Variants in KCNIP4 observed in about 807,000 individuals in gnomAD.
KCNIP4 encodes the protein Kv channel-interacting protein 4.
In KCNIP4, 12 loss-of-function variants were observed where a neutral mutation model predicts 34.0. The ratio of observed to expected loss-of-function variants is 0.35; its 90% CI spans 0.23 to 0.57. The LOEUF (loss-of-function observed/expected upper bound fraction) is 0.57, where lower values mean the gene tolerates loss of function less well. KCNIP4 is among the 20% of genes least tolerant of loss of function. The probability of loss-of-function intolerance (pLI) is 0.83; values close to 1 mark genes in which losing one functional copy is unlikely to be tolerated. For synonymous variants in KCNIP4, 124 were observed against 102.2 expected (o/e 1.21, Z -1.29); for missense variants, 238 against 311.7 (o/e 0.76, Z 1.78).
chr4:21,346,110 T>C (rs1484654245), intron 1 of KCNIP4, among the ~76,000 whole-genome samples: 6 of 121,200 alleles, frequency 5.0e-5, no homozygotes, highest in African/African-American at 1.9e-4. Flanking sequence ...TAAATATATA[T>C]AAATATATAT....
chr4:21,121,537 G>A (rs1159997514), intron 1 of KCNIP4, among the ~76,000 whole-genome samples: 1 of 152,160 alleles, frequency 6.6e-6, no homozygotes, highest in Non-Finnish European at 1.5e-5. Context: ...CATTTGGAAG[G>A]CAGCATCTTG....
intron 1 of KCNIP4, among the ~76,000 whole-genome samples, chr4:21,344,584 G>A (rs1308080309): frequency 1.3e-5 from 2 of 152,128 alleles, no homozygotes; most frequent in African/African-American, 4.8e-5. Flanking sequence ...TTCTGAGACA[G>A]ATAGGTATGA....
chr4:21,578,599 A>T (rs1348087027), intron 1 of KCNIP4, among the ~76,000 whole-genome samples: 1 of 152,110 alleles, frequency 6.6e-6, no homozygotes, highest in Non-Finnish European at 1.5e-5. Context: ...TGGATGAATG[A>T]CCAAGACTGC....
intron 1 of KCNIP4, among the ~76,000 whole-genome samples, chr4:21,641,984 G>T (rs1418411353): frequency 6.6e-6 from 1 of 152,114 alleles, no homozygotes; most frequent in Non-Finnish European, 1.5e-5. Context: ...CATGGAAGGG[G>T]GGTAGTGCTA....
At chr4:21,911,414 A>G (rs896083286) in intron 1 of KCNIP4, among the ~76,000 whole-genome samples, 1 of 151,936 alleles carries the variant, frequency 6.6e-6, no homozygotes, top group Non-Finnish European at 1.5e-5. Context: ...ACTTCCTAAC[A>G]TCTATGTCCA....
Position 21,213,666 on chromosome 4 carries a change from A to G in KCNIP4, c.62-330957T>C, listed in dbSNP as rs539933136. Among the ~76,000 whole-genome samples, 27 of 152,136 alleles carry G rather than the reference A, an allele frequency of 1.8e-4. No homozygotes were observed. The South Asian group carries it at 5.2e-3, about 29-fold the overall frequency. On this transcript the variant is annotated intron_variant, in intron 1 of 8. Transcript: ENST00000382152. ...GCAATCCTCCAGCCTCAGCCTCCCA[A>G]AGCTTTGGGATTACAGGCATAAACC...
chr4:21,639,339 G>A (rs956274661), intron 1 of KCNIP4, among the ~76,000 whole-genome samples: 1 of 152,030 alleles, frequency 6.6e-6, no homozygotes, highest in Non-Finnish European at 1.5e-5. Context: ...AAATGGCAAT[G>A]ATAAAATTAA....
intron 2 of KCNIP4, among the ~76,000 whole-genome samples, chr4:20,866,568 G>A (rs1022428502): frequency 6.6e-6 from 1 of 151,942 alleles, no homozygotes; most frequent in African/African-American, 2.4e-5. Flanking sequence ...ATGGGCAAAA[G>A]CTCCAACCAT....
At chr4:20,779,242 G>A (rs1756637565) in intron 3 of KCNIP4, among the ~76,000 whole-genome samples, 1 of 152,086 alleles carries the variant, frequency 6.6e-6, no homozygotes, top group Non-Finnish European at 1.5e-5. Context: ...AAATGAGACA[G>A]TTCTGTAGGT....
rs574223865 is a variant in KCNIP4, at chr4:21,008,131, G to A, written c.62-125422C>T. On this transcript the variant is annotated intron_variant, in intron 1 of 8. Coordinates refer to ENST00000382152, the MANE Select transcript of KCNIP4 (RefSeq NM_025221.6). ...GACCTGCAGGCAGGATTAGAAGAGA[G>A]AAATCTGTTGATTTTTTCCAGCTCA... 1.9e-3 allele frequency among the ~76,000 whole-genome samples: 286 copies of A among 152,314 alleles called. 1 individual carries two copies. Among genetic ancestry groups the A allele is most frequent in the African/African-American group, 6.5e-3 (272 of 41,562 alleles).
intron 1 of KCNIP4, among the ~76,000 whole-genome samples, chr4:21,000,248 A>G (rs898411919): frequency 6.6e-6 from 1 of 152,108 alleles, no homozygotes; most frequent in African/African-American, 2.4e-5. Flanking sequence ...CCTCTCCTTC[A>G]TGACTCCTCT....
intron 1 of KCNIP4, among the ~76,000 whole-genome samples, chr4:20,952,612 A>AGCATAACT (rs1732892738): frequency 1.3e-5 from 2 of 152,240 alleles, no homozygotes; most frequent in Non-Finnish European, 2.9e-5. Context: ...ATTAATAGAA[A>AGCATAACT]GCATAACTTT....
At chr4:20,850,756 C>A in intron 2 of KCNIP4, 89 bp from the exon 3 acceptor site, 1 of 1,449,172 alleles carries the variant, frequency 6.9e-7, no homozygotes, top group South Asian at 1.3e-5. Context: ...AAGAACATGT[C>A]TGCTAATGTC....
intron 1 of KCNIP4, among the ~76,000 whole-genome samples, chr4:21,896,154 C>T (rs1198528632): frequency 6.6e-6 from 1 of 152,172 alleles, no homozygotes; most frequent in Non-Finnish European, 1.5e-5. Flanking sequence ...ATCATTTTCT[C>T]CATCTTACAT....
chr4:20,939,183 G>A (rs79724086), intron 1 of KCNIP4, among the ~76,000 whole-genome samples: 1,721 of 151,878 alleles, frequency 0.011, 23 homozygotes, highest in African/African-American at 0.038. Flanking sequence ...ATGTAGATTT[G>A]ATTCATTATA....
intron 1 of KCNIP4, among the ~76,000 whole-genome samples, chr4:21,125,231 A>ATTTTTTTTTATTTTATT (rs1750523616): frequency 6.8e-6 from 1 of 147,756 alleles, no homozygotes; most frequent in South Asian, 2.1e-4. Flanking sequence ...ATTTTATTTT[A>ATTTTTTTTTATTTTATT]TTGTGAGACA....
chr4:21,392,767 AT>A, intron 1 of KCNIP4, among the ~76,000 whole-genome samples: 1 of 152,342 alleles, frequency 6.6e-6, no homozygotes, highest in South Asian at 2.1e-4. Context: ...AACTTACAAC[AT>A]TTGCATAAAT....
At chr4:21,131,287 G>C (rs992946932) in intron 1 of KCNIP4, among the ~76,000 whole-genome samples, 1 of 152,070 alleles carries the variant, frequency 6.6e-6, no homozygotes, top group South Asian at 2.1e-4. Context: ...AACATATGGA[G>C]CCAATCGCAA....
chr4:21,288,054 G>T (rs1015001931), intron 1 of KCNIP4, among the ~76,000 whole-genome samples: 34 of 152,218 alleles, frequency 2.2e-4, no homozygotes, highest in Admixed American at 2.0e-3. Context: ...ATGCTTGTGG[G>T]TTTACTGGAG....
Sources: allele counts gnomAD v4.1 joint callset (sites outside exome capture counted in the v4.1 genomes callset), GRCh38; gene constraint gnomAD v4.1.1; transcripts MANE v1.5; gene names NCBI Gene and HGNC (gene_info 2026-07-23, HGNC 2026-07-21).